Variants in FSTL4 observed in about 807,000 individuals in gnomAD.
FSTL4 encodes the protein follistatin-related protein 4.
FSTL4 carries 28 observed loss-of-function variants against 78.2 expected under a neutral mutation model. The observed-to-expected ratio is 0.36, with a 90% CI of 0.27 to 0.49. The LOEUF (loss-of-function observed/expected upper bound fraction) is 0.49. Ranked by LOEUF, FSTL4 falls within the 20% of genes least tolerant of loss-of-function variation. The pLI is 0.98. For synonymous variants in FSTL4, 422 were observed against 440.5 expected, an observed-to-expected ratio of 0.96 and a Z score of 0.53; for missense variants, 922 against 1,084.9, an observed-to-expected ratio of 0.85 and a Z score of 2.11.
At chr5:133,471,454 G>A (rs1222174114) in intron 3 of FSTL4, among the ~76,000 whole-genome samples, 2 of 152,146 alleles carry the variant, frequency 1.3e-5, no homozygotes, top group East Asian at 1.9e-4. Flanking sequence ...ATTAGGTCAG[G>A]AGAGTGGAAT....
chr5:133,503,132 G>A (rs911761887), intron 3 of FSTL4, among the ~76,000 whole-genome samples: 1 of 152,122 alleles, frequency 6.6e-6, no homozygotes, highest in African/African-American at 2.4e-5. Flanking sequence ...GGTAATTTAC[G>A]ACAAAATTAG....
chr5:133,821,890 A>T, the FSTL4 span, among the ~76,000 whole-genome samples: 1 of 152,288 alleles, frequency 6.6e-6, no homozygotes, highest in South Asian at 2.1e-4. Context: ...AGGAGGAGGA[A>T]CACAAAAGGC....
chr5:133,269,051 G>A (rs1442701235), intron 6 of FSTL4, among the ~76,000 whole-genome samples: 2 of 151,932 alleles, frequency 1.3e-5, no homozygotes, highest in East Asian at 3.9e-4. Context: ...GCATGGTGGC[G>A]GGCGCCTGTA....
chr5:133,443,629 C>T lies in FSTL4; in HGVS notation c.161-42643G>A, dbSNP rs187949736. Among the ~76,000 whole-genome samples the T allele has an allele frequency of 4.4e-3, 677 of 152,318 alleles. 1 individual carries two copies. The highest frequency in any genetic ancestry group is 7.5e-3 in the Non-Finnish European group (513 of 68,028). Reference sequence around the variant, plus strand: ...TGGTGGTGCTCTGACTCCTCCTAGTCAAGAAATCCAGCTCCTCTCAGGCCA... The same window carrying T: ...TGGTGGTGCTCTGACTCCTCCTAGTTAAGAAATCCAGCTCCTCTCAGGCCA... On this transcript the variant is annotated intron_variant, in intron 3 of 15. Transcript: ENST00000265342.
At chr5:133,596,780 A>C (rs1760745133) in intron 2 of FSTL4, among the ~76,000 whole-genome samples, 1 of 152,138 alleles carries the variant, frequency 6.6e-6, no homozygotes, top group South Asian at 2.1e-4. Flanking sequence ...ACTGAAACTC[A>C]CCCTGTGATT....
intron 3 of FSTL4, among the ~76,000 whole-genome samples, chr5:133,470,807 T>TA (rs1334334074): frequency 7.2e-6 from 1 of 139,534 alleles, no homozygotes; most frequent in African/African-American, 2.8e-5. Context: ...AAAATAAAAA[T>TA]AAATAAATAA....
At chr5:133,839,545 T>G in the FSTL4 span, among the ~76,000 whole-genome samples, 1 of 152,216 alleles carries the variant, frequency 6.6e-6, no homozygotes, top group African/African-American at 2.4e-5. Flanking sequence ...GGGCTATCTT[T>G]TTATTAGCAG....
rs570506115 is a variant in FSTL4, at chr5:133,310,177, C to T, written c.727+2477G>A. On this transcript the variant is annotated intron_variant, in intron 6 of 15. Coordinates refer to ENST00000265342, the MANE Select transcript of FSTL4 (RefSeq NM_015082.2). ...TTATAGTGGGGGTTAACTCATTTTG[C>T]GGCTTCCTTAATGGCTGTGAGTTTA... 5.4e-5 allele frequency among the ~76,000 whole-genome samples: 8 copies of T among 148,810 alleles called. No individual in the cohort carries two copies. The South Asian group carries it at 6.2e-4, about 12-fold the overall frequency.
chr5:133,267,220 G>T (rs1056607512), intron 6 of FSTL4, among the ~76,000 whole-genome samples: 3 of 152,190 alleles, frequency 2.0e-5, no homozygotes, highest in African/African-American at 7.2e-5. Context: ...CTGGTAGGGG[G>T]TGGTGAGGAG....
At chr5:133,601,383 A>G (rs1362068904) in intron 2 of FSTL4, among the ~76,000 whole-genome samples, 2 of 152,256 alleles carry the variant, frequency 1.3e-5, no homozygotes, top group African/African-American at 4.8e-5. Flanking sequence ...ACAAAAAGAG[A>G]AAGGAAGGAC....
chr5:133,626,160 CAT>C, the FSTL4 span, among the ~76,000 whole-genome samples: 16 of 5,670 alleles, frequency 2.8e-3, no homozygotes, highest in Non-Finnish European at 4.5e-3. Context: ...ATATATATTC[CAT>C]ATATATATAT....
intron 3 of FSTL4, among the ~76,000 whole-genome samples, chr5:133,538,031 T>C (rs540363798): frequency 6.6e-6 from 1 of 152,280 alleles, no homozygotes; most frequent in East Asian, 1.9e-4. Flanking sequence ...AGTATAACTG[T>C]AGAAATCAGC....
chr5:133,737,600 T>TC, the FSTL4 span, among the ~76,000 whole-genome samples: 4 of 138,710 alleles, frequency 2.9e-5, no homozygotes, highest in African/African-American at 8.2e-5. Context: ...TAGGCTGATT[T>TC]CCTTTTTTTT....
the FSTL4 span, among the ~76,000 whole-genome samples, chr5:133,825,877 C>T: frequency 3.9e-5 from 6 of 152,248 alleles, no homozygotes; most frequent in African/African-American, 1.2e-4. Flanking sequence ...CCCCTGTGCT[C>T]AGCTGTCATC....
chr5:133,261,604 C>G (rs1355022372), intron 6 of FSTL4, among the ~76,000 whole-genome samples: 2 of 152,166 alleles, frequency 1.3e-5, no homozygotes, highest in Non-Finnish European at 2.9e-5. Context: ...CGCCTGGAAT[C>G]CCAGCACTTT....
chr5:133,813,858 C>T, the FSTL4 span, among the ~76,000 whole-genome samples: 8 of 152,214 alleles, frequency 5.3e-5, no homozygotes, highest in Non-Finnish European at 1.0e-4. Context: ...TAATAGGGAT[C>T]TGCTTCTAAT....
chr5:133,267,568 G>A (rs1752671947), intron 6 of FSTL4, among the ~76,000 whole-genome samples: 1 of 152,312 alleles, frequency 6.6e-6, no homozygotes, highest in African/African-American at 2.4e-5. Context: ...AGCAAGGGAA[G>A]CACCATGGCC....
rs560570237 is a variant in FSTL4 at position 133,278,474 on chromosome 5, C to T, written c.728-28898G>A. Among the ~76,000 whole-genome samples, 9 of 152,340 alleles carry T rather than the reference C, an allele frequency of 5.9e-5. No homozygotes were observed. In the South Asian group the frequency reaches 1.0e-3, roughly 18 times the overall value. On this transcript the variant is annotated intron_variant, in intron 6 of 15. Coordinates refer to ENST00000265342, the MANE Select transcript of FSTL4 (RefSeq NM_015082.2). ...GTCTGTGCTGGAACTTTCTTTCCCA[C>T]GTTCTGTCAGGGCTGATACCAGCGT...
chr5:133,829,875 T>A, the FSTL4 span, among the ~76,000 whole-genome samples: 1 of 152,096 alleles, frequency 6.6e-6, no homozygotes, highest in Admixed American at 6.5e-5. Flanking sequence ...ACAGCCATAG[T>A]CCCTCTGCCC....
Sources: allele counts gnomAD v4.1 joint callset (sites outside exome capture counted in the v4.1 genomes callset), GRCh38; gene constraint gnomAD v4.1.1; transcripts MANE v1.5; gene names NCBI Gene and HGNC (gene_info 2026-07-23, HGNC 2026-07-21).